SLC25A12: variants seen among roughly 807,000 people sequenced by gnomAD.
The protein encoded by SLC25A12 is electrogenic aspartate/glutamate antiporter SLC25A12, mitochondrial.
A neutral mutation model predicts 83.3 loss-of-function variants in SLC25A12; 32 were observed. That is an observed-to-expected ratio of 0.38 (90% confidence interval 0.29 to 0.52). SLC25A12 has a LOEUF of 0.52. Among genes scored for constraint, SLC25A12 ranks in the 20% least tolerant of loss-of-function variants. SLC25A12 has a pLI of 0.84. For missense variants in SLC25A12, 611 were observed against 835.6 expected, an observed-to-expected ratio of 0.73 and a Z score of 3.31; for synonymous variants, 267 against 291.1, an observed-to-expected ratio of 0.92 and a Z score of 0.84.
At chr2:171,839,277 G>A (rs971587668) in intron 5 of SLC25A12, among the ~76,000 whole-genome samples, 1 of 152,138 alleles carries the variant, frequency 6.6e-6, no homozygotes, top group African/African-American at 2.4e-5. Flanking sequence ...ACAAACACTG[G>A]CACCTCCAAA....
chr2:171,803,332 T>C (rs1171378554), intron 13 of SLC25A12, among the ~76,000 whole-genome samples: 1 of 151,618 alleles, frequency 6.6e-6, no homozygotes, highest in Non-Finnish European at 1.5e-5. Flanking sequence ...AAAGAAAAAA[T>C]AGATTAAACG....
intron 2 of SLC25A12, among the ~76,000 whole-genome samples, chr2:171,869,610 A>AT (rs966782171): frequency 6.6e-6 from 1 of 152,132 alleles, no homozygotes; most frequent in East Asian, 1.9e-4. Flanking sequence ...TACATCAATA[A>AT]TTTTTTTAAA....
intron 9 of SLC25A12, among the ~76,000 whole-genome samples, chr2:171,824,323 G>C (rs1045452035): frequency 6.6e-6 from 1 of 152,190 alleles, no homozygotes; most frequent in African/African-American, 2.4e-5. Context: ...TGCAGACTCA[G>C]GGTGCCAAAG....
rs776314104 is a variant in SLC25A12, at chr2:171,813,297, G to T, written c.1171+42C>A. ...GTGAGTTAAAATCTGCTGCTGGTGAGATCAAATCACTAACTTCAGCAGCTG... is the reference window on the plus strand; with the variant it reads ...GTGAGTTAAAATCTGCTGCTGGTGATATCAAATCACTAACTTCAGCAGCTG... On this transcript the variant is annotated intron_variant, in intron 11 of 17. Transcript: ENST00000422440. The T allele has an allele frequency of 1.9e-6, 3 of 1,608,914 alleles. No homozygotes were observed. In the Admixed American group the frequency reaches 5.0e-5, roughly 27 times the overall value.
intron 4 of SLC25A12, chr2:171,848,367 A>T: frequency 2.2e-6 from 1 of 449,564 alleles, no homozygotes; most frequent in Non-Finnish European, 4.6e-6. Context: ...GCCCAGCAGG[A>T]GCCACTACAA....
chr2:171,827,598 A>C (rs1222758564), intron 8 of SLC25A12, among the ~76,000 whole-genome samples: 1 of 152,208 alleles, frequency 6.6e-6, no homozygotes, highest in African/African-American at 2.4e-5. Context: ...TGGGTACTTA[A>C]ACCCCGGAAG....
At chr2:171,889,190 T>A (rs1417920218) in intron 2 of SLC25A12, among the ~76,000 whole-genome samples, 1 of 152,154 alleles carries the variant, frequency 6.6e-6, no homozygotes, top group Non-Finnish European at 1.5e-5. Flanking sequence ...CAAATTTGTA[T>A]CTGTCCAAAT....
chr2:171,856,135 C>T (rs1685040382), intron 3 of SLC25A12, among the ~76,000 whole-genome samples, 186 bp from the exon 4 acceptor site: 1 of 151,988 alleles, frequency 6.6e-6, no homozygotes, highest in Admixed American at 6.6e-5. Context: ...TTTGTAAGCC[C>T]CTAGAAAATC....
chr2:171,874,951 TC>T (rs1407468666), intron 2 of SLC25A12, among the ~76,000 whole-genome samples: 1 of 152,220 alleles, frequency 6.6e-6, no homozygotes, highest in Non-Finnish European at 1.5e-5. Flanking sequence ...GCTACTCCCT[TC>T]GCAAACCCCC....
At chr2:171,869,279 T>C (rs1685408282) in intron 2 of SLC25A12, among the ~76,000 whole-genome samples, 1 of 152,196 alleles carries the variant, frequency 6.6e-6, no homozygotes, top group Admixed American at 6.5e-5. Flanking sequence ...ACATGGTAAA[T>C]ATACTTTTTT....
chr2:171,827,735 G>A (rs1469586934), intron 8 of SLC25A12, among the ~76,000 whole-genome samples: 1 of 152,136 alleles, frequency 6.6e-6, no homozygotes, highest in Non-Finnish European at 1.5e-5. Flanking sequence ...CCAATTCTTT[G>A]TTCAATATGC....
At chr2:171,809,779 T>C in intron 12 of SLC25A12, 93 bp from the exon 13 acceptor site, 1 of 911,694 alleles carries the variant, frequency 1.1e-6, no homozygotes, top group Non-Finnish European at 1.8e-6. Flanking sequence ...ATATTTGTCT[T>C]ATGATAAAAT....
chr2:171,787,646 G>T lies in SLC25A12; in HGVS notation c.1760C>A (p.Ser587Tyr). 6.2e-7 allele frequency: 1 copy of T among 1,614,094 alleles called. No individual in the cohort carries two copies. Among genetic ancestry groups the T allele is most frequent in the South Asian group, 1.1e-5 (1 of 91,080 alleles). ...CAAGGTAACACCAAACTGGGGAGAG[G>T]ATCGAAACACTCGAGCTGAAAAAGA... ...WKGTAARVFR[S>Y]SPQFGVTLVT... Residue 587 changes from serine (S) to tyrosine (Y), a missense_variant, in exon 17 of 18, where the codon TCC (serine) becomes TAC (tyrosine). This residue lies in a region of SLC25A12 where 540 missense variants were observed against 777.5 expected (regional missense o/e 0.69). Transcript: ENST00000422440.
At chr2:171,791,954 C>T (rs1230424770) in intron 14 of SLC25A12, among the ~76,000 whole-genome samples, 2 of 151,390 alleles carry the variant, frequency 1.3e-5, no homozygotes, top group East Asian at 1.9e-4. Context: ...CAAGATCTAC[C>T]CTCTTAAGTT....
chr2:171,841,926 A>G (rs1194805929), intron 5 of SLC25A12, among the ~76,000 whole-genome samples: 1 of 152,190 alleles, frequency 6.6e-6, no homozygotes, highest in African/African-American at 2.4e-5. Flanking sequence ...GCAGGTGAGG[A>G]AACAACAGGA....
chr2:171,858,012 C>T (rs1016389063), intron 3 of SLC25A12, among the ~76,000 whole-genome samples: 30 of 151,974 alleles, frequency 2.0e-4, no homozygotes, highest in Non-Finnish European at 1.9e-4. Context: ...ATAAAATTAA[C>T]CAGTGGTCAA....
chr2:171,807,617 C>G (rs1287759352), intron 13 of SLC25A12, among the ~76,000 whole-genome samples: 2 of 152,160 alleles, frequency 1.3e-5, no homozygotes, highest in African/African-American at 4.8e-5. Context: ...CTTAACCAAA[C>G]AGAAACTTAA....
chr2:171,855,751 A>G, intron 4 of SLC25A12, 83 bp downstream of exon 4: 1 of 838,698 alleles, frequency 1.2e-6, no homozygotes, highest in South Asian at 1.4e-5. Context: ...ATAAGCAGTA[A>G]TCTATATTAG....
chr2:171,801,106 A>C (rs1019494464), intron 13 of SLC25A12, among the ~76,000 whole-genome samples: 1 of 152,244 alleles, frequency 6.6e-6, no homozygotes, highest in Non-Finnish European at 1.5e-5. Flanking sequence ...TAAAAAACCA[A>C]ATATGTAAAT....
Sources: allele counts gnomAD v4.1 joint callset (sites outside exome capture counted in the v4.1 genomes callset), GRCh38; gene constraint gnomAD v4.1.1; regional missense constraint gnomAD v4.1.1; transcripts MANE v1.5; gene names NCBI Gene and HGNC (gene_info 2026-07-23, HGNC 2026-07-21).